LAMA2: variants seen among roughly 807,000 people sequenced by gnomAD.
LAMA2 encodes laminin subunit alpha-2.
Under a neutral mutation model 364.8 loss-of-function variants are expected in LAMA2, and 269 were observed. The ratio of observed to expected loss-of-function variants is 0.74; its 90% CI spans 0.67 to 0.82. The LOEUF (loss-of-function observed/expected upper bound fraction) is 0.82. Among genes scored for constraint, LAMA2 ranks in the 40% least tolerant of loss-of-function variants. The pLI, the probability that LAMA2 is intolerant of heterozygous loss-of-function variation, is 0.00. For missense variants in LAMA2, 3,807 were observed against 3,873.2 expected (o/e 0.98, Z 0.45); for synonymous variants, 1,379 against 1,370.6 (o/e 1.01, Z -0.14).
Position 129,505,147 on chromosome 6 carries a change from C to T in LAMA2, c.8548-53C>T, listed in dbSNP as rs564526215. 3.2e-5 allele frequency: 48 copies of T among 1,477,024 alleles called. No homozygotes were observed. The African/African-American group carries it at 5.7e-4, about 17-fold the overall frequency. The allele number at this position is 1,477,024 out of a possible 1,614,324, so 91.5% of individuals were successfully genotyped here. ...TAGAGTCCTTATGTCTTATACTCTG[C>T]ATATGTGAAATTTGTTCAGGATTGG... On this transcript the variant is annotated intron_variant, in intron 60 of 64. Coordinates refer to ENST00000421865, the MANE Select transcript of LAMA2 (RefSeq NM_000426.4).
At position 128,988,662 on chromosome 6, in the gene LAMA2, T is replaced by C. The variant is rs1454948033; in HGVS notation, c.113-61256T>C. The stretch of plus-strand genomic sequence containing the variant: ...TAACTTTCACAATTCTTAGCTTTTT[T>C]AACTTTGAGTTTTAAAAATCATGAT... On this transcript the variant is annotated intron_variant, in intron 1 of 64. Transcript: ENST00000421865. Among the ~76,000 whole-genome samples, 4 of 152,238 alleles carry C rather than the reference T, an allele frequency of 2.6e-5. No homozygotes were observed. In the East Asian group the frequency reaches 5.8e-4, roughly 22 times the overall value.
chr6:129,417,951 T>C (rs1780883615), intron 40 of LAMA2, among the ~76,000 whole-genome samples: 1 of 152,094 alleles, frequency 6.6e-6, no homozygotes, highest in African/African-American at 2.4e-5. Flanking sequence ...GGCACAGGGA[T>C]GCCTGGGTCC....
intron 3 of LAMA2, among the ~76,000 whole-genome samples, chr6:129,061,636 T>C (rs1299265141): frequency 1.3e-5 from 2 of 152,244 alleles, no homozygotes; most frequent in African/African-American, 2.4e-5. Flanking sequence ...TCCCACACAG[T>C]ATCTTAAGAA....
At chr6:129,249,986 CA>C in intron 12 of LAMA2, 125 bp from the exon 13 acceptor site, 1 of 715,418 alleles carries the variant, frequency 1.4e-6, no homozygotes, top group Non-Finnish European at 2.6e-6. Flanking sequence ...CTCCGTACTC[CA>C]GTGATTTCTG....
At chr6:128,972,502 A>G (rs1042227202) in intron 1 of LAMA2, among the ~76,000 whole-genome samples, 5 of 152,220 alleles carry the variant, frequency 3.3e-5, no homozygotes, top group Admixed American at 6.5e-5. Flanking sequence ...ATGTTCAACA[A>G]ATGATAGACA....
At chr6:129,386,307 G>A (rs967128205) in intron 35 of LAMA2, among the ~76,000 whole-genome samples, 2 of 151,920 alleles carry the variant, frequency 1.3e-5, no homozygotes, top group African/African-American at 4.8e-5. Flanking sequence ...AATGCTCAGA[G>A]AAGTTCCAGA....
intron 28 of LAMA2, among the ~76,000 whole-genome samples, chr6:129,326,370 A>G (rs1775283242): frequency 6.6e-6 from 1 of 152,134 alleles, no homozygotes; most frequent in South Asian, 2.1e-4. Flanking sequence ...GGAAAACCAC[A>G]GTAATAGGAA....
chr6:129,266,718 C>A (rs978745358), intron 15 of LAMA2, among the ~76,000 whole-genome samples: 53 of 152,244 alleles, frequency 3.5e-4, no homozygotes, highest in African/African-American at 1.1e-3. Flanking sequence ...CGGGTACTCT[C>A]TTAGGCTAAG....
Position 129,068,664 on chromosome 6 carries a change from G to A in LAMA2, c.396+8768G>A, listed in dbSNP as rs116479180. Among the ~76,000 whole-genome samples the A allele has an allele frequency of 8.5e-3, 1,296 of 152,252 alleles. 27 individuals carry two copies. The highest frequency in any genetic ancestry group is 0.029 in the African/African-American group (1,215 of 41,546). ...CAGAAACATTCAGTCTATAGAAAGC[G>A]TGAAGTAAATTTTCTTCCAGTTCCT... On this transcript the variant is annotated intron_variant, in intron 3 of 64. Coordinates refer to ENST00000421865, the MANE Select transcript of LAMA2 (RefSeq NM_000426.4).
At chr6:129,195,139 A>G (rs1302537073) in intron 12 of LAMA2, among the ~76,000 whole-genome samples, 1 of 152,206 alleles carries the variant, frequency 6.6e-6, no homozygotes, top group Non-Finnish European at 1.5e-5. Context: ...ATGAGATGCT[A>G]TTAGCTTTTC....
intron 4 of LAMA2, among the ~76,000 whole-genome samples, chr6:129,106,807 G>A (rs1775849712): frequency 6.8e-6 from 1 of 146,914 alleles, no homozygotes; most frequent in African/African-American, 2.5e-5. Flanking sequence ...AAATTAAGAG[G>A]ATTATATTCC....
At chr6:129,148,882 G>T (rs960701979) in intron 6 of LAMA2, 97 bp from the exon 7 acceptor site, 30 of 865,164 alleles carry the variant, frequency 3.5e-5, no homozygotes, top group Admixed American at 1.0e-4. Context: ...ACACAGTCCA[G>T]ATGTTTTCTC....
At chr6:129,315,421 A>G in intron 24 of LAMA2, 55 bp from the exon 25 acceptor site, 1 of 1,513,822 alleles carries the variant, frequency 6.6e-7, no homozygotes, top group Non-Finnish European at 9.2e-7. Flanking sequence ...ACTTAGTTTT[A>G]AAGAAATGTC....
At chr6:129,238,985 T>C (rs1785210422) in intron 12 of LAMA2, among the ~76,000 whole-genome samples, 1 of 152,198 alleles carries the variant, frequency 6.6e-6, no homozygotes, top group South Asian at 2.1e-4. Context: ...TACTGATTTG[T>C]TGCCATGGTA....
At chr6:129,444,928 G>A (rs552444077) in intron 44 of LAMA2, among the ~76,000 whole-genome samples, 1 of 152,226 alleles carries the variant, frequency 6.6e-6, no homozygotes, top group Non-Finnish European at 1.5e-5. Flanking sequence ...CCCTTGAAAA[G>A]CACATACTGA....
chr6:129,447,113 A>G (rs1190287095), intron 45 of LAMA2, among the ~76,000 whole-genome samples: 1 of 152,216 alleles, frequency 6.6e-6, no homozygotes, highest in African/African-American at 2.4e-5. Context: ...AAAAGCCTCT[A>G]CTATGTTCAG....
intron 40 of LAMA2, among the ~76,000 whole-genome samples, chr6:129,412,046 T>A (rs536206950): frequency 3.7e-4 from 57 of 152,188 alleles, no homozygotes; most frequent in African/African-American, 1.4e-3. Context: ...ACTAAGAATA[T>A]GTATTAAACA....
In LAMA2 at chr6:129,011,442, C is replaced by A. The variant is rs138431095; in HGVS notation, c.113-38476C>A. 2.0e-5 allele frequency among the ~76,000 whole-genome samples: 3 copies of A among 152,298 alleles called. No homozygotes were observed. In the East Asian group the frequency reaches 5.8e-4, roughly 29 times the overall value. On this transcript the variant is annotated intron_variant, in intron 1 of 64. Coordinates refer to ENST00000421865, the MANE Select transcript of LAMA2 (RefSeq NM_000426.4). The stretch of plus-strand genomic sequence containing the variant: ...TGTTCTCCTATTTGGAAGCCTTGTG[C>A]CCATATCCATGCCCTTTGCACATTT...
chr6:129,154,448 T>A, intron 7 of LAMA2, 57 bp from the exon 8 acceptor site: 1 of 1,477,156 alleles, frequency 6.8e-7, no homozygotes, highest in Non-Finnish European at 9.4e-7. Flanking sequence ...CAGAAATGAT[T>A]TTTAAATGTA....
Sources: allele counts gnomAD v4.1 joint callset (sites outside exome capture counted in the v4.1 genomes callset), GRCh38; gene constraint gnomAD v4.1.1; transcripts MANE v1.5; gene names NCBI Gene and HGNC (gene_info 2026-07-23, HGNC 2026-07-21).